Variants in TENM4 observed in about 807,000 individuals in gnomAD.
The protein encoded by TENM4 is teneurin-4.
In TENM4, 82 loss-of-function variants were observed where a neutral mutation model predicts 243.3. The observed-to-expected ratio is 0.34, with a 90% CI of 0.28 to 0.40. TENM4 has a LOEUF of 0.40. Ranked by LOEUF, TENM4 falls within the 10% of genes least tolerant of loss-of-function variation. TENM4 has a pLI of 1.00. For missense variants in TENM4, 3,138 were observed against 3,673.3 expected, an observed-to-expected ratio of 0.85 and a Z score of 3.77; for synonymous variants, 1,412 against 1,456.3, an observed-to-expected ratio of 0.97 and a Z score of 0.69.
intron 2 of TENM4, among the ~76,000 whole-genome samples, chr11:79,240,898 G>C (rs1278175742): frequency 6.6e-6 from 1 of 152,082 alleles, no homozygotes; most frequent in Non-Finnish European, 1.5e-5. Flanking sequence ...AGATGTATTA[G>C]AGTACCACAG....
rs1265602422 is a variant in TENM4 at position 78,825,019 on chromosome 11, TC to T, written c.1682-10625del. On this transcript the variant is annotated intron_variant, in intron 12 of 33. Coordinates refer to ENST00000278550, the MANE Select transcript of TENM4 (RefSeq NM_001098816.3). ...CAGTATTCAAAAATCAAAATGCTGC[TC>T]CAGCCACTCGCAAATGTATCACACT... 2.6e-4 allele frequency among the ~76,000 whole-genome samples: 40 copies of T among 152,328 alleles called. No homozygotes were observed. In the East Asian group the frequency reaches 7.3e-3, roughly 28 times the overall value.
chr11:78,729,948 C>G (rs1855614731), intron 21 of TENM4, among the ~76,000 whole-genome samples: 1 of 152,144 alleles, frequency 6.6e-6, no homozygotes, highest in Non-Finnish European at 1.5e-5. Flanking sequence ...GGAGTCACCT[C>G]ACCTCGCCAA....
At chr11:79,426,596 C>T (rs1859059700) in intron 1 of TENM4, among the ~76,000 whole-genome samples, 1 of 152,152 alleles carries the variant, frequency 6.6e-6, no homozygotes, top group African/African-American at 2.4e-5. Flanking sequence ...GAGTGGTCCG[C>T]TGTGAGGTTA....
intron 4 of TENM4, among the ~76,000 whole-genome samples, chr11:79,116,992 T>G (rs1247716082): frequency 6.6e-6 from 1 of 152,220 alleles, no homozygotes; most frequent in African/African-American, 2.4e-5. Context: ...GTTATTCAAG[T>G]TGCCTGTGTC....
At chr11:78,774,590 G>A (rs1411346240) in intron 17 of TENM4, among the ~76,000 whole-genome samples, 1 of 152,198 alleles carries the variant, frequency 6.6e-6, no homozygotes, top group Non-Finnish European at 1.5e-5. Context: ...GTGCCTGCAT[G>A]TAGCAGACAC....
chr11:79,377,913 TTCCC>T (rs1399086420), intron 1 of TENM4, among the ~76,000 whole-genome samples: 2 of 152,200 alleles, frequency 1.3e-5, no homozygotes, highest in African/African-American at 2.4e-5. Flanking sequence ...AAGGGCACCT[TTCCC>T]ATCCTTTTGT....
At chr11:78,878,671 G>A (rs2136262113) in intron 9 of TENM4, among the ~76,000 whole-genome samples, 1 of 152,344 alleles carries the variant, frequency 6.6e-6, no homozygotes, top group African/African-American at 2.4e-5. Context: ...TGGCAGGACT[G>A]TGGGGAAATT....
intron 15 of TENM4, among the ~76,000 whole-genome samples, chr11:78,800,382 G>A (rs1000536750): frequency 3.9e-5 from 6 of 152,150 alleles, no homozygotes; most frequent in Non-Finnish European, 8.8e-5. Flanking sequence ...GGCTGGCACT[G>A]CGCATGAAAC....
intron 6 of TENM4, among the ~76,000 whole-genome samples, chr11:78,947,627 C>A (rs1857028088): frequency 6.6e-6 from 1 of 152,362 alleles, no homozygotes; most frequent in African/African-American, 2.4e-5. Flanking sequence ...GGGGGCAAGG[C>A]TGACCCAACT....
At chr11:78,731,220 G>A (rs617878) in intron 21 of TENM4, among the ~76,000 whole-genome samples, 109 of 152,264 alleles carry the variant, frequency 7.2e-4, no homozygotes, top group Admixed American at 7.2e-4. Context: ...CCAGGGTTGA[G>A]TAACAAATTA....
chr11:78,868,532 C>T (rs1281657169), intron 9 of TENM4, among the ~76,000 whole-genome samples: 3 of 152,172 alleles, frequency 2.0e-5, no homozygotes, highest in Admixed American at 6.5e-5. Context: ...TTTTCCCCGT[C>T]GCCTTTTCCT....
intron 26 of TENM4, among the ~76,000 whole-genome samples, chr11:78,708,984 T>TTTTTTTTTTTTTTTTTTTTTTTTTA (rs59432159): frequency 6.9e-6 from 1 of 145,256 alleles, no homozygotes; most frequent in African/African-American, 2.7e-5. Context: ...TTTTTTTTTT[T>TTTTTTTTTTTTTTTTTTTTTTTTTA]AAAAAAAGAG....
At chr11:79,279,687 T>G (rs1419164472) in intron 2 of TENM4, among the ~76,000 whole-genome samples, 1 of 152,196 alleles carries the variant, frequency 6.6e-6, no homozygotes, top group Non-Finnish European at 1.5e-5. Context: ...CCCATTTCTC[T>G]AGGACTCCAG....
intron 32 of TENM4, among the ~76,000 whole-genome samples, chr11:78,666,797 T>C (rs560988022): frequency 2.6e-5 from 4 of 152,270 alleles, no homozygotes; most frequent in African/African-American, 9.6e-5. Flanking sequence ...GATCTCACAG[T>C]TGTTGCAAAG....
chr11:79,414,467 C>T (rs1385333459), intron 1 of TENM4, among the ~76,000 whole-genome samples: 1 of 152,084 alleles, frequency 6.6e-6, no homozygotes, highest in Admixed American at 6.5e-5. Context: ...TATAGAGATG[C>T]CATCTGAATA....
intron 1 of TENM4, among the ~76,000 whole-genome samples, chr11:79,388,731 C>T (rs1164936654): frequency 3.9e-5 from 6 of 152,220 alleles, no homozygotes. Context: ...TCATGGAGCT[C>T]ACAGTCATGG....
At position 78,672,032 on chromosome 11, in the gene TENM4, C is replaced by A; in HGVS notation, c.5793+1G>T. The stretch of plus-strand genomic sequence containing the variant: ...AGTGATGCAGGGAGACAGACACCTG[C>A]CTTCTCTAAGTATGTGTAGCTCCAT... On this transcript the variant is annotated splice_donor_variant, in intron 31 of 33. Coordinates refer to ENST00000278550, the MANE Select transcript of TENM4 (RefSeq NM_001098816.3). LOFTEE classifies it high-confidence loss of function. 6.2e-7 allele frequency: 1 copy of A among 1,610,718 alleles called. No homozygotes were observed. Among genetic ancestry groups the A allele is most frequent in the Non-Finnish European group, 8.5e-7 (1 of 1,177,586 alleles).
intron 20 of TENM4, among the ~76,000 whole-genome samples, chr11:78,736,634 G>C (rs1617772): frequency 0.87 from 132,890 of 152,178 alleles, 58,782 homozygotes; most frequent in African/African-American, 0.93. Flanking sequence ...ATGGTTTTTC[G>C]TAAGGTACGG....
At chr11:79,137,700 T>A (rs1862137973) in intron 4 of TENM4, among the ~76,000 whole-genome samples, 1 of 152,212 alleles carries the variant, frequency 6.6e-6, no homozygotes. Context: ...TTTATTTCCT[T>A]TCTCCTTTAT....
Sources: allele counts gnomAD v4.1 joint callset (sites outside exome capture counted in the v4.1 genomes callset), GRCh38; gene constraint gnomAD v4.1.1; transcripts MANE v1.5; gene names NCBI Gene and HGNC (gene_info 2026-07-23, HGNC 2026-07-21).